Variants in ADRA1B observed in about 807,000 individuals in gnomAD.
ADRA1B encodes adrenoceptor alpha 1B, also known as alpha-1B adrenergic receptor.
ADRA1B carries 17 observed loss-of-function variants against 17.9 expected under a neutral mutation model. The observed-to-expected ratio is 0.95, with a 90% CI of 0.65 to 1.42. ADRA1B has a LOEUF of 1.42. ADRA1B is among the 40% of genes most tolerant of loss of function. The probability of loss-of-function intolerance (pLI) is 0.00; values close to 1 mark genes in which losing one functional copy is unlikely to be tolerated. For synonymous variants in ADRA1B, 366 were observed against 327.6 expected (o/e 1.12, Z -1.27); for missense variants, 681 against 722.1 (o/e 0.94, Z 0.65).
At chr5:159,896,573 G>A (rs1285565572) in intron 1 of ADRA1B, among the ~76,000 whole-genome samples, 12 of 152,198 alleles carry the variant, frequency 7.9e-5, no homozygotes, top group Non-Finnish European at 2.9e-5. Flanking sequence ...GTGAATGTGG[G>A]CACAGGTATC....
At chr5:159,901,937 T>A (rs76658482) in intron 1 of ADRA1B, among the ~76,000 whole-genome samples, 4,500 of 152,268 alleles carry the variant, frequency 0.03, 81 homozygotes, top group Middle Eastern at 0.071. Context: ...GAAAATACTA[T>A]AAAGCTTCCA....
In ADRA1B at chr5:159,972,243, A is replaced by G; in HGVS notation, c.1314A>G (p.Pro438=). 7.8e-7 allele frequency: 1 copy of G among 1,283,584 alleles called. No homozygotes were observed. 79.5% of individuals were successfully genotyped at this position (1,283,584 alleles called of 1,614,324 possible). The change falls in exon 2 of 2, where the codon CCA becomes CCG. Residue 438 remains proline (P), a synonymous_variant. Transcript: ENST00000306675. The part of the protein sequence containing the change: ...PGYLGRGAPP[P]VELCAFPEWK... ...ACCTGGGCCGCGGCGCGCCACCGCCAGTCGAGCTGTGCGCCTTCCCCGAGT... is the reference window on the plus strand; with the variant it reads ...ACCTGGGCCGCGGCGCGCCACCGCCGGTCGAGCTGTGCGCCTTCCCCGAGT...
chr5:159,982,712 T>A, the ADRA1B span, among the ~76,000 whole-genome samples: 15 of 152,086 alleles, frequency 9.9e-5, no homozygotes, highest in African/African-American at 3.4e-4. Context: ...CCTACCTCTA[T>A]CCTCTTTCTG....
chr5:159,918,325 C>T (rs115712862), intron 1 of ADRA1B, among the ~76,000 whole-genome samples: 1 of 152,196 alleles, frequency 6.6e-6, no homozygotes, highest in African/African-American at 2.4e-5. Context: ...ATTTCCAGGG[C>T]TAGAGCAGAA....
intron 1 of ADRA1B, among the ~76,000 whole-genome samples, chr5:159,873,498 T>C (rs1198801491): frequency 6.6e-6 from 1 of 152,174 alleles, no homozygotes; most frequent in East Asian, 1.9e-4. Flanking sequence ...GGCTCAGTCT[T>C]TTCAGCTCAC....
At chr5:159,931,326 C>G (rs1230438965) in intron 1 of ADRA1B, among the ~76,000 whole-genome samples, 1 of 148,692 alleles carries the variant, frequency 6.7e-6, no homozygotes, top group Admixed American at 6.8e-5. Context: ...CCCAGGAGGT[C>G]AAGGGTACAA....
chr5:159,896,050 T>C (rs1754037577), intron 1 of ADRA1B, among the ~76,000 whole-genome samples: 1 of 152,204 alleles, frequency 6.6e-6, no homozygotes, highest in Non-Finnish European at 1.5e-5. Context: ...AATGGATGGA[T>C]GAAAAGCTAT....
chr5:159,959,575 C>CT (rs2113278295), intron 1 of ADRA1B, among the ~76,000 whole-genome samples: 1 of 152,290 alleles, frequency 6.6e-6, no homozygotes, highest in South Asian at 2.1e-4. Flanking sequence ...GGACTGTGTA[C>CT]TTCCTGGACA....
rs553040128 is a variant in ADRA1B, at chr5:159,939,654, C to T, written c.949+21800C>T. ...TTTTCTGCCTGTAAGACAGAGATGA[C>T]ATTTTACTTACCTCGTTGGGGTGAT... On this transcript the variant is annotated intron_variant, in intron 1 of 1. Coordinates refer to ENST00000306675, the MANE Select transcript of ADRA1B (RefSeq NM_000679.4). Among the ~76,000 whole-genome samples the T allele has an allele frequency of 5.4e-3, 820 of 152,294 alleles. 3 individuals are homozygous for T. Among genetic ancestry groups the T allele is most frequent in the Non-Finnish European group, 8.7e-3 (594 of 68,032 alleles).
chr5:159,939,670 T>C (rs977033354), intron 1 of ADRA1B, among the ~76,000 whole-genome samples: 4 of 152,128 alleles, frequency 2.6e-5, no homozygotes, highest in South Asian at 4.2e-4. Context: ...ACTTACCTCG[T>C]TGGGGTGATA....
chr5:159,932,722 T>C (rs1754849764), intron 1 of ADRA1B, among the ~76,000 whole-genome samples: 2 of 152,144 alleles, frequency 1.3e-5, no homozygotes, highest in African/African-American at 4.8e-5. Context: ...TATAAATATA[T>C]TTATATGATA....
At chr5:159,903,850 G>A (rs892433339) in intron 1 of ADRA1B, among the ~76,000 whole-genome samples, 2 of 152,056 alleles carry the variant, frequency 1.3e-5, no homozygotes, top group Non-Finnish European at 2.9e-5. Flanking sequence ...GGGAGGGTCC[G>A]CCTGGGCCCG....
intron 1 of ADRA1B, among the ~76,000 whole-genome samples, chr5:159,885,593 A>T (rs753534219): frequency 2.0e-5 from 3 of 152,258 alleles, no homozygotes; most frequent in Non-Finnish European, 4.4e-5. Flanking sequence ...TCCTGCTATC[A>T]GCCTAAGGTT....
At chr5:159,888,030 C>A (rs950313681) in intron 1 of ADRA1B, 1 of 152,032 alleles carries the variant, frequency 6.6e-6, no homozygotes, top group African/African-American at 2.4e-5. Context: ...CTGATTGAAC[C>A]CATTTATTTT....
At chr5:159,977,302 A>G (rs1755988557), downstream of ADRA1B, among the ~76,000 whole-genome samples, 1 of 152,198 alleles carries the variant, frequency 6.6e-6, no homozygotes, top group Non-Finnish European at 1.5e-5. Flanking sequence ...CGTGTTAGAC[A>G]TGTGAACACA....
intron 1 of ADRA1B, chr5:159,947,600 T>G: frequency 1.6e-6 from 1 of 624,910 alleles, no homozygotes; most frequent in Non-Finnish European, 2.0e-6. Flanking sequence ...CCTTTTACAT[T>G]CTTTTTTTCA....
intron 1 of ADRA1B, among the ~76,000 whole-genome samples, chr5:159,903,770 C>T (rs1025944219): frequency 1.3e-5 from 2 of 152,162 alleles, no homozygotes; most frequent in Non-Finnish European, 2.9e-5. Context: ...ATCTTCAAAT[C>T]CCATGTCTTA....
chr5:159,870,241 T>A (rs1223724668), intron 1 of ADRA1B: 1 of 152,202 alleles, frequency 6.6e-6, no homozygotes, highest in South Asian at 2.1e-4. Flanking sequence ...CCTGTACCAG[T>A]GATTTAGAGG....
rs1554088334 is a variant in ADRA1B, at chr5:159,899,279, G to GAAGGAAGGAAGGAAGA, written c.-255-16825_-255-16824insAAAGGAAGGAAGGAAG. The stretch of plus-strand genomic sequence containing the variant: ...GGAAGGAAGAAAGGAAGGAAGGAAG[G>GAAGGAAGGAAGGAAGA]AAGGAAGGAAGGAAGGAAGGAAGGA... On this transcript the variant is annotated intron_variant, in intron 1 of 2. Coordinates refer to the ADRA1B transcript ENST00000641205. Among the ~76,000 whole-genome samples the GAAGGAAGGAAGGAAGA allele has an allele frequency of 4.3e-3, 594 of 138,662 alleles. 3 individuals carry two copies. The highest frequency in any genetic ancestry group is 0.016 in the African/African-American group (556 of 35,100). The allele number at this position is 138,662 out of a possible 152,430, so 91.0% of individuals were successfully genotyped here. A position where few individuals can be genotyped will look rare whatever the true frequency, so the allele number is the denominator to read the frequency against.
Sources: gnomAD v4.1 joint callset for allele counts (sites outside exome capture counted in the v4.1 genomes callset) on GRCh38, gnomAD v4.1.1 for gene constraint, MANE v1.5 for transcripts, NCBI Gene and HGNC (gene_info 2026-07-23, HGNC 2026-07-21) for gene names.